Variants in RBKS observed in about 807,000 individuals in gnomAD.
RBKS encodes the protein ribokinase.
A neutral mutation model predicts 33.9 loss-of-function variants in RBKS; 33 were observed. The ratio of observed to expected loss-of-function variants is 0.97; its 90% CI spans 0.74 to 1.30. The LOEUF is 1.30. Ranked by LOEUF, RBKS falls within the 50% of genes most tolerant of loss-of-function variation. The pLI, the probability that RBKS is intolerant of heterozygous loss-of-function variation, is 0.00. For synonymous variants in RBKS, 125 were observed against 143.0 expected (o/e 0.87, Z 0.90); for missense variants, 361 against 392.6 (o/e 0.92, Z 0.68).
chr2:27,802,490 A>T (rs947989064), intron 7 of RBKS, among the ~76,000 whole-genome samples: 2 of 151,852 alleles, frequency 1.3e-5, no homozygotes, highest in Non-Finnish European at 2.9e-5. Flanking sequence ...TCACGGGGGA[A>T]GAGGGAGGGT....
At chr2:27,841,297 AG>A (rs1158356773) in intron 5 of RBKS, among the ~76,000 whole-genome samples, 12 of 152,202 alleles carry the variant, frequency 7.9e-5, no homozygotes, top group African/African-American at 2.7e-4. Flanking sequence ...CAACTAGACT[AG>A]GACAGAGGGA....
chr2:27,848,206 A>G (rs1468682060), intron 2 of RBKS, 109 bp from the exon 3 acceptor site: 1 of 598,452 alleles, frequency 1.7e-6, no homozygotes, highest in African/African-American at 1.9e-5. Flanking sequence ...ACAGTACTTT[A>G]TAAACATTAA....
At chr2:27,832,362 C>T (rs555712827) in intron 6 of RBKS, among the ~76,000 whole-genome samples, 2 of 152,192 alleles carry the variant, frequency 1.3e-5, no homozygotes, top group African/African-American at 2.4e-5. Flanking sequence ...ACTTGCTAAA[C>T]CTGGCAACTT....
chr2:27,801,978 A>ATATT (rs1677800864), intron 7 of RBKS, among the ~76,000 whole-genome samples: 1 of 91,452 alleles, frequency 1.1e-5, no homozygotes, highest in African/African-American at 4.8e-5. Flanking sequence ...ATATATATAT[A>ATATT]TATATATATA....
At chr2:27,827,166 G>C (rs12615767) in intron 7 of RBKS, among the ~76,000 whole-genome samples, 1 of 152,192 alleles carries the variant, frequency 6.6e-6, no homozygotes, top group Non-Finnish European at 1.5e-5. Context: ...TCACTGCCTA[G>C]AATCTAAGCC....
In RBKS at chr2:27,858,540, T is replaced by C; in HGVS notation, c.121A>G (p.Thr41Ala). The C allele has an allele frequency of 3.1e-6, 5 of 1,613,926 alleles. No homozygotes were observed. In the South Asian group the frequency reaches 3.3e-5, roughly 11 times the overall value. The change falls in exon 2 of 8, where the codon ACC (threonine) becomes GCC (alanine). Residue 41 changes from threonine (T) to alanine (A), a missense_variant. Physicochemically the swap from Thr to Ala is moderately conservative, Grantham distance 58 (BLOSUM62 0). Transcript: ENST00000302188. Reference sequence around the variant, plus strand: ...ATAAAAAACTTATGTCCATGGATGGTTTCTCCAGTTTTTGGCAAACGAGAA... The same window carrying C: ...ATAAAAAACTTATGTCCATGGATGGCTTCTCCAGTTTTTGGCAAACGAGAA... Reference protein sequence around the residue: ...LTSRLPKTGETIHGHKFFIGF... With the variant: ...LTSRLPKTGEAIHGHKFFIGF...
chr2:27,810,259 A>G lies in RBKS; in HGVS notation c.795+17308T>C, dbSNP rs1013061602. ...GAAGGCTGTGTTTCTACCAGGAATA[A>G]GCTAGTGTCTAAGGCACAGGTGGTA... On this transcript the variant is annotated intron_variant, in intron 7 of 7. Coordinates refer to ENST00000302188, the MANE Select transcript of RBKS (RefSeq NM_022128.3). The surrounding 1 kb of genome is among the most constrained non-coding windows in gnomAD (Gnocchi z 4.4). Among the ~76,000 whole-genome samples, 11 of 152,348 alleles carry G rather than the reference A, an allele frequency of 7.2e-5. No individual in the cohort carries two copies. In the East Asian group the frequency reaches 2.1e-3, roughly 29 times the overall value.
chr2:27,843,808 T>C (rs1445873907), intron 4 of RBKS, among the ~76,000 whole-genome samples: 1 of 152,196 alleles, frequency 6.6e-6, no homozygotes, highest in Non-Finnish European at 1.5e-5. Context: ...CTAAGGAATC[T>C]GATATATTCT....
chr2:27,814,215 G>A (rs960461865), intron 7 of RBKS, among the ~76,000 whole-genome samples: 8 of 152,038 alleles, frequency 5.3e-5, no homozygotes, highest in African/African-American at 1.7e-4. Context: ...AGTGAGACCC[G>A]ATCTCTTAAA....
intron 7 of RBKS, chr2:27,809,709 C>T: frequency 6.1e-6 from 2 of 326,754 alleles, no homozygotes; most frequent in South Asian, 5.1e-5. Context: ...TGTTCATCTT[C>T]TAACAGCTGC....
chr2:27,859,709 G>C (rs1261904025), intron 1 of RBKS, among the ~76,000 whole-genome samples: 1 of 152,178 alleles, frequency 6.6e-6, no homozygotes, highest in Non-Finnish European at 1.5e-5. Flanking sequence ...ACCAAAAAAG[G>C]TTAACTAGCT....
intron 1 of RBKS, among the ~76,000 whole-genome samples, chr2:27,889,768 GCTCAA>G (rs1664670160): frequency 6.6e-6 from 1 of 152,124 alleles, no homozygotes; most frequent in Non-Finnish European, 1.5e-5. Context: ...TTTGATTTCT[GCTCAA>G]CTCATTATTT....
At chr2:27,788,768 T>C (rs1677454061) in intron 7 of RBKS, among the ~76,000 whole-genome samples, 1 of 152,204 alleles carries the variant, frequency 6.6e-6, no homozygotes, top group South Asian at 2.1e-4. Flanking sequence ...TGCAACAGCA[T>C]TTTAAAAATG....
chr2:27,884,997 A>G (rs1197677670), intron 1 of RBKS, among the ~76,000 whole-genome samples: 4 of 152,092 alleles, frequency 2.6e-5, no homozygotes, highest in Non-Finnish European at 4.4e-5. Flanking sequence ...TCTGAAATTT[A>G]TATCTCCGGG....
intron 1 of RBKS, among the ~76,000 whole-genome samples, chr2:27,869,478 G>C (rs904595726): frequency 6.6e-6 from 1 of 152,128 alleles, no homozygotes; most frequent in African/African-American, 2.4e-5. Flanking sequence ...ATGTTCTGTG[G>C]TATTCCACAA....
chr2:27,863,844 G>A (rs1321562843), intron 1 of RBKS, among the ~76,000 whole-genome samples: 1 of 152,082 alleles, frequency 6.6e-6, no homozygotes, highest in East Asian at 1.9e-4. Context: ...CATTTAAAAG[G>A]CTGAGAGTAA....
chr2:27,858,603 A>G, intron 1 of RBKS, 32 bp from the exon 2 acceptor site: 1 of 1,598,772 alleles, frequency 6.3e-7, no homozygotes, highest in Non-Finnish European at 8.5e-7. Context: ...AGAAAAAAGC[A>G]TATTGGTAAC....
At chr2:27,874,951 C>T (rs1207335918) in intron 1 of RBKS, among the ~76,000 whole-genome samples, 1 of 152,210 alleles carries the variant, frequency 6.6e-6, no homozygotes, top group Non-Finnish European at 1.5e-5. Context: ...TCTTAACCAG[C>T]ATCTTTACAT....
intron 2 of RBKS, among the ~76,000 whole-genome samples, chr2:27,852,918 A>G (rs1252481732): frequency 6.6e-6 from 1 of 152,222 alleles, no homozygotes; most frequent in African/African-American, 2.4e-5. Flanking sequence ...TGTCATACAA[A>G]ACCCAGCTGT....
Sources: allele counts gnomAD v4.1 joint callset (sites outside exome capture counted in the v4.1 genomes callset), GRCh38; gene constraint gnomAD v4.1.1; non-coding constraint Gnocchi (gnomAD v3.1); transcripts MANE v1.5; gene names NCBI Gene and HGNC (gene_info 2026-07-23, HGNC 2026-07-21).